The following DAB1 variants were observed in gnomAD, a reference collection of about 807,000 sequenced individuals.
DAB1 encodes DAB adaptor protein 1.
A neutral mutation model predicts 64.6 loss-of-function variants in DAB1; 15 were observed. The ratio of observed to expected loss-of-function variants is 0.23; its 90% CI spans 0.16 to 0.36. DAB1 has a LOEUF of 0.36. Ranked by LOEUF, DAB1 falls within the 10% of genes least tolerant of loss-of-function variation. DAB1 has a pLI of 1.00. For synonymous variants in DAB1, 235 were observed against 251.9 expected, an observed-to-expected ratio of 0.93 and a Z score of 0.64; for missense variants, 596 against 706.7, an observed-to-expected ratio of 0.84 and a Z score of 1.78.
chr1:57,781,298 G>T (rs1289574211), intron 6 of DAB1, among the ~76,000 whole-genome samples: 1 of 151,364 alleles, frequency 6.6e-6, no homozygotes, highest in East Asian at 1.9e-4. Flanking sequence ...TTAAAAAGAT[G>T]CTTCATTTAG....
chr1:57,402,644 C>T (rs3844041), intron 1 of DAB1, among the ~76,000 whole-genome samples: 53,413 of 151,956 alleles, frequency 0.35, 9,839 homozygotes, highest in Non-Finnish European at 0.41. Context: ...TTTTCTGCCT[C>T]ATTCATAAAG....
chr1:57,316,633 G>GA (rs1558152359), intron 1 of DAB1, among the ~76,000 whole-genome samples: 1 of 151,966 alleles, frequency 6.6e-6, no homozygotes, highest in Non-Finnish European at 1.5e-5. Context: ...AGAAAAAAAA[G>GA]AAAAAAATAA....
intron 2 of DAB1, among the ~76,000 whole-genome samples, chr1:57,172,713 C>T (rs12077019): frequency 6.6e-6 from 1 of 151,986 alleles, no homozygotes; most frequent in African/African-American, 2.4e-5. Flanking sequence ...ACAACCAGCT[C>T]TCTTGGGAAC....
At chr1:57,209,977 T>C (rs888357774) in intron 2 of DAB1, among the ~76,000 whole-genome samples, 3 of 152,246 alleles carry the variant, frequency 2.0e-5, no homozygotes, top group Non-Finnish European at 4.4e-5. Context: ...AATCTCATTT[T>C]AGCTTCTTAC....
intron 4 of DAB1, among the ~76,000 whole-genome samples, chr1:58,321,252 C>T (rs1662674832): frequency 6.6e-6 from 1 of 152,196 alleles, no homozygotes; most frequent in East Asian, 1.9e-4. Flanking sequence ...AACTTCCTTC[C>T]TCTTTATGCT....
chr1:57,745,023 C>T (rs2101795890), intron 6 of DAB1, among the ~76,000 whole-genome samples: 1 of 152,286 alleles, frequency 6.6e-6, no homozygotes, highest in African/African-American at 2.4e-5. Flanking sequence ...ATATGAATCT[C>T]ATGTCAGAAA....
At chr1:57,764,452 C>T (rs753639796) in intron 6 of DAB1, among the ~76,000 whole-genome samples, 2 of 152,152 alleles carry the variant, frequency 1.3e-5, no homozygotes, top group Non-Finnish European at 2.9e-5. Context: ...TGATATTCTC[C>T]CTCCAGCTAT....
chr1:57,699,495 A>G (rs1646882918), intron 6 of DAB1, among the ~76,000 whole-genome samples: 1 of 152,212 alleles, frequency 6.6e-6, no homozygotes, highest in Non-Finnish European at 1.5e-5. Context: ...CTTTCTAACT[A>G]TTCTGCCCAT....
chr1:57,093,912 G>C (rs1197009433), intron 4 of DAB1, among the ~76,000 whole-genome samples: 1 of 151,790 alleles, frequency 6.6e-6, no homozygotes, highest in Non-Finnish European at 1.5e-5. Flanking sequence ...TCAGGAGTTT[G>C]AGATCAGCCT....
Position 57,415,327 on chromosome 1 carries a change from G to C in DAB1, c.-137+8603C>G, listed in dbSNP as rs368282846. On this transcript the variant is annotated intron_variant, in intron 1 of 14. Transcript: ENST00000371236. The stretch of plus-strand genomic sequence containing the variant: ...GGATTAGAGAACCTAAATTTGAAAG[G>C]CAAACAAAACAATAAAGCTTTTAGA... Among the ~76,000 whole-genome samples the C allele has an allele frequency of 4.4e-4, 65 of 147,670 alleles. 1 individual carries two copies. In the South Asian group the frequency reaches 9.4e-3, roughly 21 times the overall value.
chr1:58,445,179 A>C (rs1645051991), intron 3 of DAB1, among the ~76,000 whole-genome samples: 1 of 152,228 alleles, frequency 6.6e-6, no homozygotes, highest in African/African-American at 2.4e-5. Context: ...TACATTTGTC[A>C]GATGGAAGAT....
chr1:58,361,229 T>G (rs998915678), intron 3 of DAB1, among the ~76,000 whole-genome samples: 26 of 152,316 alleles, frequency 1.7e-4, no homozygotes, highest in African/African-American at 6.3e-4. Context: ...TACCTGCTTC[T>G]TTAATACTGG....
intron 7 of DAB1, among the ~76,000 whole-genome samples, chr1:57,587,032 T>G (rs1175877303): frequency 1.3e-5 from 2 of 152,160 alleles, no homozygotes; most frequent in Admixed American, 1.3e-4. Context: ...GATAACCATC[T>G]CTCCTCTTTA....
At chr1:57,668,705 AAG>A (rs1646476268) in intron 6 of DAB1, among the ~76,000 whole-genome samples, 1 of 152,112 alleles carries the variant, frequency 6.6e-6, no homozygotes, top group Non-Finnish European at 1.5e-5. Context: ...AATAAAAGTT[AAG>A]ACAAAAGGAC....
intron 4 of DAB1, among the ~76,000 whole-genome samples, chr1:57,135,163 C>T (rs1453845491): frequency 6.6e-6 from 1 of 152,148 alleles, no homozygotes. Flanking sequence ...GCATTACATA[C>T]ATTCACATTT....
chr1:57,328,282 T>C (rs756569717), intron 1 of DAB1, among the ~76,000 whole-genome samples: 5 of 152,204 alleles, frequency 3.3e-5, no homozygotes, highest in Non-Finnish European at 5.9e-5. Context: ...CCAACCTCTG[T>C]GCCAGCGTTG....
At chr1:57,581,973 T>G (rs1328806676) in intron 7 of DAB1, among the ~76,000 whole-genome samples, 1 of 152,134 alleles carries the variant, frequency 6.6e-6, no homozygotes, top group Non-Finnish European at 1.5e-5. Flanking sequence ...GCCAGCAGAT[T>G]TGGTTCCTGG....
chr1:57,152,623 T>C (rs2100850139), intron 2 of DAB1, among the ~76,000 whole-genome samples: 1 of 152,346 alleles, frequency 6.6e-6, no homozygotes, highest in Non-Finnish European at 1.5e-5. Flanking sequence ...TGAGGTTCAA[T>C]CTCCCCAGCT....
intron 1 of DAB1, among the ~76,000 whole-genome samples, chr1:58,546,456 C>T (rs1366901905): frequency 1.3e-5 from 2 of 152,038 alleles, no homozygotes; most frequent in East Asian, 2.0e-4. Flanking sequence ...AGGGGAGAAC[C>T]GGGCTCCCCC....
Sources: gnomAD v4.1 joint callset for allele counts (sites outside exome capture counted in the v4.1 genomes callset) on GRCh38, gnomAD v4.1.1 for gene constraint, MANE v1.5 for transcripts, NCBI Gene and HGNC (gene_info 2026-07-23, HGNC 2026-07-21) for gene names.